The following RUFY4 variants were observed in gnomAD, a reference collection of about 807,000 sequenced individuals.
The protein encoded by RUFY4 is RUN and FYVE domain containing 4, also known as RUN and FYVE domain-containing protein 4.
RUFY4 carries 73 observed loss-of-function variants against 69.0 expected under a neutral mutation model. That is an observed-to-expected ratio of 1.06 (90% CI 0.88 to 1.29). The LOEUF is 1.29. Among genes scored for constraint, RUFY4 ranks in the 50% most tolerant of loss-of-function variants. RUFY4 has a pLI of 0.00. For missense variants in RUFY4, 770 were observed against 705.6 expected, an observed-to-expected ratio of 1.09 and a Z score of -1.03; for synonymous variants, 287 against 271.8, an observed-to-expected ratio of 1.06 and a Z score of -0.55.
upstream of RUFY4, among the ~76,000 whole-genome samples, chr2:218,064,628 C>G (rs1327046932): frequency 6.6e-6 from 1 of 152,138 alleles, no homozygotes; most frequent in Non-Finnish European, 1.5e-5. Context: ...GAGGCCAAGT[C>G]TGAGCCACCA....
Position 218,089,256 on chromosome 2 carries a change from AAGGACCGCCTGTGGCAG to A in RUFY4, c.1511_1527del (p.Asp504AlafsTer16). 1 of 1,613,152 alleles carries A rather than the reference AAGGACCGCCTGTGGCAG, an allele frequency of 6.2e-7. No individual in the cohort carries two copies. The highest frequency in any genetic ancestry group is 8.5e-7 in the Non-Finnish European group (1 of 1,179,554). On this transcript the variant is annotated frameshift_variant, in exon 10 of 11. Transcript: ENST00000344321. LOFTEE classifies it high-confidence loss of function. ...CCACCTTCATCCCCCCATCAGAGAG[AAGGACCGCCTGTGGCAG>A]AGGCTCCAGCATCTCTCTTCCATGG...
intron 8 of RUFY4, among the ~76,000 whole-genome samples, chr2:218,078,956 C>T (rs1186457558): frequency 6.6e-6 from 1 of 152,222 alleles, no homozygotes; most frequent in Admixed American, 6.5e-5. Flanking sequence ...CAACCTCCGC[C>T]TCCTGGGTTC....
chr2:218,058,321 A>G (rs1263538913), intron 2 of RUFY4, among the ~76,000 whole-genome samples: 1 of 152,260 alleles, frequency 6.6e-6, no homozygotes, highest in East Asian at 1.9e-4. Context: ...CTACAAGTTA[A>G]GAAAAACTTA....
intron 10 of RUFY4, 170 bp from the exon 13 acceptor site, chr2:218,089,782 C>A (rs1689987747): frequency 1.4e-6 from 1 of 712,108 alleles, no homozygotes; most frequent in Non-Finnish European, 2.6e-6. Context: ...TCAGGACACC[C>A]TTCAGGAGAG....
At chr2:218,086,942 G>A (rs1450202415) in intron 9 of RUFY4, among the ~76,000 whole-genome samples, 4 of 151,710 alleles carry the variant, frequency 2.6e-5, no homozygotes, top group Non-Finnish European at 5.9e-5. Flanking sequence ...AGTAATGCAA[G>A]GAAAAAAGAA....
At chr2:218,081,717 A>C (rs1183797440) in intron 8 of RUFY4, among the ~76,000 whole-genome samples, 1 of 152,204 alleles carries the variant, frequency 6.6e-6, no homozygotes, top group Non-Finnish European at 1.5e-5. Context: ...GTGCCAAAAG[A>C]CTAGAATGTT....
At chr2:218,070,626 C>T (rs1196080410) in exon 1 of RUFY4, 26 of 1,537,592 alleles carry the variant, frequency 1.7e-5, no homozygotes, top group Non-Finnish European at 2.2e-5. Flanking sequence ...AGGGAGCCAT[C>T]CTCAAGGTCA....
intron 2 of RUFY4, among the ~76,000 whole-genome samples, chr2:218,043,535 G>A (rs901447567): frequency 3.3e-5 from 5 of 152,170 alleles, no homozygotes; most frequent in Non-Finnish European, 5.9e-5. Flanking sequence ...AACTTCTGCA[G>A]TTCTCAGCAC....
chr2:218,072,879 T>C, exon 4 of RUFY4: 1 of 1,528,498 alleles, frequency 6.5e-7, no homozygotes, highest in Non-Finnish European at 8.8e-7. Flanking sequence ...AACTCAGAGC[T>C]CACCAGGTGG....
At chr2:218,057,789 T>C (rs1559425337) in intron 2 of RUFY4, among the ~76,000 whole-genome samples, 2 of 152,236 alleles carry the variant, frequency 1.3e-5, no homozygotes, top group South Asian at 2.1e-4. Context: ...TCATATAATA[T>C]GTGGTTCTGT....
At chr2:218,044,617 C>G (rs750979037) in intron 2 of RUFY4, among the ~76,000 whole-genome samples, 1 of 152,142 alleles carries the variant, frequency 6.6e-6, no homozygotes, top group Non-Finnish European at 1.5e-5. Flanking sequence ...GATAAACCCC[C>G]CAGTGTGTGT....
In RUFY4 at chr2:218,085,256, A is replaced by G. The variant is rs144610117; in HGVS notation, c.1502+2000A>G. ...TTCATCAGCACTAGTTTCCCAGTGC[A>G]AAGGTGATTAATCACAGGTTCTCAG... On this transcript the variant is annotated intron_variant, in intron 9 of 10. Coordinates refer to ENST00000344321, the Ensembl canonical transcript of RUFY4. 9.9e-4 allele frequency among the ~76,000 whole-genome samples: 151 copies of G among 152,324 alleles called. 1 individual carries two copies. Among genetic ancestry groups the G allele is most frequent in the African/African-American group, 3.5e-3 (146 of 41,580 alleles).
intron 2 of RUFY4, among the ~76,000 whole-genome samples, chr2:218,057,181 T>C (rs1689083349): frequency 6.6e-6 from 1 of 152,150 alleles, no homozygotes; most frequent in African/African-American, 2.4e-5. Context: ...TGCCAGTGAG[T>C]TTTCTTTCAA....
Position 218,054,554 on chromosome 2 carries a change from C to CAA in RUFY4, c.-1157-4024_-1157-4023dup, listed in dbSNP as rs35697446. On this transcript the variant is annotated intron_variant and NMD_transcript_variant, in intron 2 of 13. Transcript: ENST00000457754. ...TGGGCGACAGAGTGAGACTCTGTCTCAAAAAAAAAAAAAAAAAAGATCAGT... is the reference window on the plus strand; with the variant it reads ...TGGGCGACAGAGTGAGACTCTGTCTCAAAAAAAAAAAAAAAAAAAAGATCAGT... Among the ~76,000 whole-genome samples the CAA allele has an allele frequency of 1.4e-3, 108 of 79,816 alleles. 3 individuals are homozygous for CAA. The highest frequency in any genetic ancestry group is 3.1e-3 in the African/African-American group (73 of 23,642). The allele number at this position is 79,816 out of a possible 152,430, so 52.4% of individuals were successfully genotyped here.
At chr2:218,060,570 C>A in intron 3 of RUFY4, 1 of 1,315,406 alleles carries the variant, frequency 7.6e-7, no homozygotes, top group Non-Finnish European at 1.1e-6. Context: ...GCTCACAGGT[C>A]TCATTGGTCA....
At chr2:218,088,627 G>A (rs1689949178) in intron 9 of RUFY4, among the ~76,000 whole-genome samples, 1 of 152,176 alleles carries the variant, frequency 6.6e-6, no homozygotes, top group South Asian at 2.1e-4. Context: ...TGTGATCAGG[G>A]AACACTCCTT....
At chr2:218,072,882 C>G in exon 4 of RUFY4, 1 of 1,523,356 alleles carries the variant, frequency 6.6e-7, no homozygotes, top group Non-Finnish European at 8.8e-7. Context: ...TCAGAGCTCA[C>G]CAGGTGGGGC....
chr2:218,059,004 T>C (rs549498292), intron 3 of RUFY4, among the ~76,000 whole-genome samples: 1 of 152,314 alleles, frequency 6.6e-6, no homozygotes, highest in South Asian at 2.1e-4. Context: ...GCTCCATCTC[T>C]ATTCTATCCT....
chr2:218,036,203 A>G (rs916651169), intron 2 of RUFY4, among the ~76,000 whole-genome samples: 7 of 152,192 alleles, frequency 4.6e-5, no homozygotes, highest in Admixed American at 1.3e-4. Flanking sequence ...GGACTGCTCA[A>G]TCGGTGGAGG....
Sources: gnomAD v4.1 joint callset for allele counts (sites outside exome capture counted in the v4.1 genomes callset) on GRCh38, gnomAD v4.1.1 for gene constraint, MANE v1.5 for transcripts, NCBI Gene and HGNC (gene_info 2026-07-23, HGNC 2026-07-21) for gene names.